MARS1: variants seen among roughly 807,000 people sequenced by gnomAD.
MARS1 encodes methionyl-tRNA synthetase 1.
MARS1 carries 80 observed loss-of-function variants against 119.5 expected under a neutral mutation model. The ratio of observed to expected loss-of-function variants is 0.67; its 90% confidence interval spans 0.56 to 0.81. The LOEUF (loss-of-function observed/expected upper bound fraction) is 0.81. Ranked by LOEUF, MARS1 falls within the 30% of genes least tolerant of loss-of-function variation. The pLI, the probability that MARS1 is intolerant of heterozygous loss-of-function variation, is 0.00. For synonymous variants in MARS1, 418 were observed against 433.4 expected, an observed-to-expected ratio of 0.96 and a Z score of 0.44; for missense variants, 945 against 1,116.5, an observed-to-expected ratio of 0.85 and a Z score of 2.19.
chr12:57,510,805 T>C (rs1877476680), intron 11 of MARS1, among the ~76,000 whole-genome samples: 1 of 152,068 alleles, frequency 6.6e-6, no homozygotes, highest in Admixed American at 6.6e-5. Flanking sequence ...CGGTGGCTTA[T>C]GCCTGTAATT....
chr12:57,488,071 A>G lies in MARS1; in HGVS notation c.-20A>G, dbSNP rs755193505. 2 of 1,609,066 alleles carry G rather than the reference A, an allele frequency of 1.2e-6. No individual in the cohort carries two copies. Among genetic ancestry groups the G allele is most frequent in the Admixed American group, 1.7e-5 (1 of 59,920 alleles). ...GCGGGAGGCCGGTTCCGGTTGCATC[A>G]GCGAGGGATTCACGGCGAAATGAGA... On this transcript the variant is annotated 5_prime_UTR_variant, in exon 1 of 21. Coordinates refer to ENST00000262027, the MANE Select transcript of MARS1 (RefSeq NM_004990.4).
At chr12:57,499,823 G>A (rs1876833118) in intron 9 of MARS1, among the ~76,000 whole-genome samples, 1 of 151,942 alleles carries the variant, frequency 6.6e-6, no homozygotes, top group Admixed American at 6.6e-5. Context: ...GCTTGAACCC[G>A]GGAGGCTGAG....
rs1008912330 is a variant in MARS1, at chr12:57,516,529, C to T, written c.2651C>T (p.Ala884Val). The T allele has an allele frequency of 1.2e-6, 2 of 1,611,892 alleles. No homozygotes were observed. ...AKLLDLKKQL[A>V]VAEGKPPEAP... The stretch of plus-strand genomic sequence containing the variant: ...CTCTTGGATCTAAAGAAACAGTTGG[C>T]TGTAGCTGAGGGGAAACCCCCTGAA... The change falls in exon 21 of 21, where the codon GCT (alanine) becomes GTT (valine). Residue 884 changes from alanine (A) to valine (V), a missense_variant. Transcript: ENST00000262027.
Position 57,492,413 on chromosome 12 carries a change from G to A in MARS1, c.770+1769G>A, listed in dbSNP as rs542180970. ...CGGCCAGGTGCGGTGGCTCATGCCTGTAATCCTAGCACTTTGGGAGGCCAA... is the reference window on the plus strand; with the variant it reads ...CGGCCAGGTGCGGTGGCTCATGCCTATAATCCTAGCACTTTGGGAGGCCAA... On this transcript the variant is annotated intron_variant, in intron 7 of 20. Coordinates refer to ENST00000262027, the MANE Select transcript of MARS1 (RefSeq NM_004990.4). Among the ~76,000 whole-genome samples, 139 of 152,102 alleles carry A rather than the reference G, an allele frequency of 9.1e-4. 1 individual carries two copies. Among genetic ancestry groups the A allele is most frequent in the Non-Finnish European group, 1.6e-3 (108 of 67,986 alleles).
At chr12:57,490,778 C>CTA in intron 7 of MARS1, 134 bp downstream of exon 7, 3 of 398,656 alleles carry the variant, frequency 7.5e-6, no homozygotes, top group Non-Finnish European at 1.3e-5. Context: ...ATTCTTACAT[C>CTA]TCTTTTTTTT....
At position 57,516,346 on chromosome 12, in the gene MARS1, C is replaced by T. The variant is rs776253880; in HGVS notation, c.2556+9C>T. 9 of 1,613,950 alleles carry T rather than the reference C, an allele frequency of 5.6e-6. No individual in the cohort carries two copies. In the South Asian group the frequency reaches 7.7e-5, roughly 14 times the overall value. ...ATGAAGTGACAAAACAAGTATGAAG[C>T]TTAAGCCCTGTGGGAGACTGGACAA... On this transcript the variant is annotated intron_variant, in intron 20 of 20. Transcript: ENST00000262027.
Position 57,493,466 on chromosome 12 carries a change from A to G in MARS1, c.770+2822A>G, listed in dbSNP as rs750559878. On this transcript the variant is annotated intron_variant, in intron 7 of 20. Transcript: ENST00000262027. Reference sequence around the variant, plus strand: ...CATAATATATAATATATTATAATATATAATATATAATATATAATATATAAT... The same window carrying G: ...CATAATATATAATATATTATAATATGTAATATATAATATATAATATATAAT... Among the ~76,000 whole-genome samples, 5 of 900 alleles carry G rather than the reference A, an allele frequency of 5.6e-3. 1 individual carries two copies. Among genetic ancestry groups the G allele is most frequent in the East Asian group, 0.17 (1 of 6 alleles). 0.6% of individuals were successfully genotyped at this position (900 alleles called of 152,430 possible). A position where few individuals can be genotyped will look rare whatever the true frequency, so the allele number is the denominator to read the frequency against.
At chr12:57,504,058 T>G in intron 10 of MARS1, 167 bp from the exon 11 acceptor site, 1 of 603,086 alleles carries the variant, frequency 1.7e-6, no homozygotes, top group Non-Finnish European at 3.0e-6. Context: ...TGAGAAGATT[T>G]GAGTCTCCAT....
intron 11 of MARS1, among the ~76,000 whole-genome samples, chr12:57,507,470 C>T (rs1393702143): frequency 1.8e-5 from 1 of 56,942 alleles, no homozygotes. Flanking sequence ...GGCGGCTGGC[C>T]GGGCGGGGGG....
intron 7 of MARS1, among the ~76,000 whole-genome samples, chr12:57,491,273 T>C (rs1157105891): frequency 6.6e-6 from 1 of 152,190 alleles, no homozygotes; most frequent in Non-Finnish European, 1.5e-5. Flanking sequence ...TTTGCCATAC[T>C]ATCCTAGACT....
chr12:57,495,606 G>A (rs1028680859), intron 7 of MARS1, among the ~76,000 whole-genome samples: 18 of 152,204 alleles, frequency 1.2e-4, no homozygotes, highest in Admixed American at 6.5e-4. Context: ...GGTGGCGGCC[G>A]GGCAGAGGCT....
intron 9 of MARS1, among the ~76,000 whole-genome samples, chr12:57,499,639 G>A (rs545192694): frequency 1.4e-5 from 2 of 147,976 alleles, no homozygotes; most frequent in African/African-American, 2.5e-5. Flanking sequence ...AGTGGCTCAC[G>A]CCTGTAATCT....
chr12:57,515,489 C>T (rs751842567), intron 18 of MARS1, 153 bp downstream of exon 18: 11 of 709,384 alleles, frequency 1.6e-5, no homozygotes, highest in Admixed American at 8.7e-5. Flanking sequence ...TTCACAAGTC[C>T]GGAATTATCT....
intron 7 of MARS1, 138 bp from the exon 8 acceptor site, chr12:57,498,019 T>G: frequency 1.5e-6 from 1 of 676,236 alleles, no homozygotes. Flanking sequence ...GTCCTGTGGG[T>G]TTGTGTGCAG....
rs114665682 is a variant in MARS1, at chr12:57,509,872, A to G, written c.1369-1826A>G. Among the ~76,000 whole-genome samples, 844 of 152,280 alleles carry G rather than the reference A, an allele frequency of 5.5e-3. 9 individuals carry two copies. Among genetic ancestry groups the G allele is most frequent in the African/African-American group, 0.019 (786 of 41,548 alleles). Reference sequence around the variant, plus strand: ...ATCAGCACATTTACTTATTAGCTCAATCCTACAATATACCTAAAACAATTT... The same window carrying G: ...ATCAGCACATTTACTTATTAGCTCAGTCCTACAATATACCTAAAACAATTT... On this transcript the variant is annotated intron_variant, in intron 11 of 20. Transcript: ENST00000262027.
intron 11 of MARS1, among the ~76,000 whole-genome samples, chr12:57,507,328 G>A (rs1384384591): frequency 2.1e-5 from 3 of 146,012 alleles, no homozygotes; most frequent in East Asian, 2.1e-4. Context: ...CCACAAAACC[G>A]CCATTGTCAT....
At position 57,516,285 on chromosome 12, in the gene MARS1, C is replaced by A. The variant is rs765394045; in HGVS notation, c.2504C>A (p.Thr835Lys). The change falls in exon 20 of 21, where the codon ACA (threonine) becomes AAA (lysine). Residue 835 changes from threonine to lysine, a missense_variant. Coordinates refer to ENST00000262027, the MANE Select transcript of MARS1 (RefSeq NM_004990.4). ...AAGCCAGCAGTTGTAGAGACTGTTA[C>A]AACAGCCAAGCCACAGCAGATACAA... ...SPKPAVVETV[T>K]TAKPQQIQAL... The A allele has an allele frequency of 6.2e-6, 10 of 1,614,034 alleles. No individual in the cohort carries two copies. The highest frequency in any genetic ancestry group is 1.7e-5 in the Admixed American group (1 of 59,996).
chr12:57,511,503 G>A (rs12425095), intron 11 of MARS1, 195 bp from the exon 12 acceptor site: 112,851 of 590,730 alleles, frequency 0.19, 12,572 homozygotes, highest in South Asian at 0.28. Flanking sequence ...CTTGAGCCCA[G>A]GAGGTTTAGG....
Position 57,490,358 on chromosome 12 carries a change from G to A in MARS1, c.642G>A (p.Arg214=). 1 of 1,612,640 alleles carries A rather than the reference G, an allele frequency of 6.2e-7. No homozygotes were observed. Among genetic ancestry groups the A allele is most frequent in the South Asian group, 1.1e-5 (1 of 91,016 alleles). The change falls in exon 6 of 21, where the codon AGG becomes AGA. Residue 214 remains arginine, a synonymous_variant. Transcript: ENST00000262027. ...KQPQPSPAEG[R]AVTNEPEEEE... ...CCCAGCCCAGCCCCGCTGAGGGAAGGGCTGTCACCAATGAGCCTGAGGTTT... is the reference window on the plus strand; with the variant it reads ...CCCAGCCCAGCCCCGCTGAGGGAAGAGCTGTCACCAATGAGCCTGAGGTTT...
Sources: allele counts gnomAD v4.1 joint callset (sites outside exome capture counted in the v4.1 genomes callset), GRCh38; gene constraint gnomAD v4.1.1; transcripts MANE v1.5; gene names NCBI Gene and HGNC (gene_info 2026-07-23, HGNC 2026-07-21).